HEXA: variants seen among roughly 807,000 people sequenced by gnomAD.
HEXA encodes the protein hexosaminidase subunit alpha, also known as beta-hexosaminidase subunit alpha.
A neutral mutation model predicts 73.3 loss-of-function variants in HEXA; 54 were observed. That is an observed-to-expected ratio of 0.74 (90% CI 0.59 to 0.92). The LOEUF is 0.92. HEXA is among the 40% of genes least tolerant of loss of function. The pLI, the probability that HEXA is intolerant of heterozygous loss-of-function variation, is 0.00. For synonymous variants in HEXA, 230 were observed against 246.9 expected (o/e 0.93, Z 0.64); for missense variants, 649 against 653.0 (o/e 0.99, Z 0.07).
chr15:72,365,110 G>A (rs1292140733), intron 1 of HEXA, among the ~76,000 whole-genome samples: 2 of 151,750 alleles, frequency 1.3e-5, no homozygotes, highest in African/African-American at 4.8e-5. Flanking sequence ...TTTTTTTTGA[G>A]ACGGAGTCTC....
intron 11 of HEXA, 29 bp from the exon 12 acceptor site, chr15:72,346,354 G>A (rs757058366): frequency 6.3e-7 from 1 of 1,587,322 alleles, no homozygotes; most frequent in Non-Finnish European, 8.7e-7. Context: ...CAACAGTCTG[G>A]TGATGGTGGG....
intron 1 of HEXA, among the ~76,000 whole-genome samples, 183 bp downstream of exon 1, chr15:72,375,537 T>A (rs780965234): frequency 2.0e-5 from 3 of 152,212 alleles, no homozygotes; most frequent in Non-Finnish European, 4.4e-5. Flanking sequence ...ATCTCCTGAT[T>A]GAACCGTAGT....
At chr15:72,362,900 AAC>A (rs1157641772) in intron 1 of HEXA, among the ~76,000 whole-genome samples, 2 of 152,200 alleles carry the variant, frequency 1.3e-5, no homozygotes, top group African/African-American at 2.4e-5. Flanking sequence ...ATGGAAAAAA[AAC>A]ACATTGGTTT....
At chr15:72,366,394 C>T (rs571577700) in intron 1 of HEXA, among the ~76,000 whole-genome samples, 8 of 151,930 alleles carry the variant, frequency 5.3e-5, no homozygotes, top group South Asian at 2.1e-4. Context: ...CTGCAATCTC[C>T]GCCTCCCAGG....
chr15:72,373,650 T>G (rs1369471557), intron 1 of HEXA, among the ~76,000 whole-genome samples: 1 of 152,174 alleles, frequency 6.6e-6, no homozygotes, highest in East Asian at 1.9e-4. Flanking sequence ...TCCATTTCTA[T>G]CTACTTGATT....
intron 1 of HEXA, among the ~76,000 whole-genome samples, chr15:72,374,008 C>CAAA (rs550464062): frequency 2.9e-5 from 2 of 68,204 alleles, no homozygotes; most frequent in African/African-American, 4.7e-5. Flanking sequence ...GACTCCGTCT[C>CAAA]AAAAAAAAAA....
chr15:72,370,447 C>T (rs572971544), intron 1 of HEXA: 8 of 392,880 alleles, frequency 2.0e-5, no homozygotes, highest in East Asian at 3.6e-5. Flanking sequence ...TCTCAGCACT[C>T]GGGGAGGCCG....
At chr15:72,347,979 C>A (rs1021157494) in intron 9 of HEXA, 69 bp downstream of exon 9, 35 of 1,134,588 alleles carry the variant, frequency 3.1e-5, no homozygotes, top group Non-Finnish European at 4.4e-5. Context: ...GGGCCTGACT[C>A]GGTATGGAAA....
chr15:72,350,304 T>C (rs184998038), intron 7 of HEXA: 39 of 600,272 alleles, frequency 6.5e-5, no homozygotes, highest in Middle Eastern at 4.7e-4. Context: ...AATGTGCCCT[T>C]ACATAGTCTA....
rs758829206 is a variant in HEXA, at chr15:72,345,548, G to C, written c.1424C>G (p.Pro475Arg). ...DNTNLVPRLWPRAGAVAERLW... is the reference protein window; with the variant it reads ...DNTNLVPRLWRRAGAVAERLW... ...CCTTTCGGCAACAGCCCCTGCTCTG[G>C]GCCTGGAGGAAAAGGGGCATGTGCC... Residue 475 changes from proline (P) to arginine (R), a missense_variant and splice_region_variant, in exon 13 of 14, where the codon CCC (proline) becomes CGC (arginine). Coordinates refer to ENST00000268097, the MANE Select transcript of HEXA (RefSeq NM_000520.6). 3 of 1,614,114 alleles carry C rather than the reference G, an allele frequency of 1.9e-6. No individual in the cohort carries two copies. Among genetic ancestry groups the C allele is most frequent in the East Asian group, 2.2e-5 (1 of 44,884 alleles).
chr15:72,350,493 C>T, intron 7 of HEXA, 25 bp downstream of exon 7: 1 of 1,613,264 alleles, frequency 6.2e-7, no homozygotes, highest in African/African-American at 1.3e-5. Flanking sequence ...AGCAGAGTCC[C>T]TCTGGTCCCA....
rs975293752 is a variant in HEXA, at chr15:72,355,374, G to T, written c.412+185C>A. On this transcript the variant is annotated intron_variant, in intron 3 of 13. Coordinates refer to ENST00000268097, the MANE Select transcript of HEXA (RefSeq NM_000520.6). The stretch of plus-strand genomic sequence containing the variant: ...AATCCCATCTCTACTAAAAATACAA[G>T]AATTAGCTGGGCATGGTGGCAGGCA... 18 of 638,020 alleles carry T rather than the reference G, an allele frequency of 2.8e-5. No homozygotes were observed. The African/African-American group carries it at 3.1e-4, about 11-fold the overall frequency. The allele number at this position is 638,020 out of a possible 1,614,324, so 39.5% of individuals were successfully genotyped here.
At position 72,342,275 on chromosome 15, in the gene HEXA, C is replaced by G. The variant is rs2088560977; in HGVS notation, c.*1802G>C. 1.3e-5 allele frequency: 2 copies of G among 152,152 alleles called. No homozygotes were observed. 9.4% of individuals were successfully genotyped at this position (152,152 alleles called of 1,614,324 possible). A position where few individuals can be genotyped will look rare whatever the true frequency, so the allele number is the denominator to read the frequency against. On this transcript the variant is annotated 3_prime_UTR_variant, in exon 14 of 14. Coordinates refer to ENST00000268097, the MANE Select transcript of HEXA (RefSeq NM_000520.6). ...AATGCCCACCCTGTCCTTACAGGAA[C>G]AGCACAAGGCTAGGCTTGTCTACCT... is the stretch of plus-strand genomic sequence containing the variant.
rs759092928 is a variant in HEXA, at chr15:72,375,786, C to A, written c.187G>T (p.Glu63Ter). ...AGGTCACGATAGCGCTGGAAGGCCT[C>A]GTCGAGGACTGAGCAGCCGGGCTGC... Reference protein sequence around the residue: ...AAQPGCSVLDEAFQRYRDLLF... With the variant: ...AAQPGCSVLD The change falls in exon 1 of 14, where the codon GAG (glutamate) becomes TAG (stop). Residue 63 changes from glutamate (E) to a stop codon, truncating the protein, a stop_gained. Transcript: ENST00000268097. LOFTEE classifies it high-confidence loss of function. 2 of 1,614,128 alleles carry A rather than the reference C, an allele frequency of 1.2e-6. No homozygotes were observed. Among genetic ancestry groups the A allele is most frequent in the Admixed American group, 1.7e-5 (1 of 60,012 alleles).
At chr15:72,355,475 G>A in intron 3 of HEXA, 84 bp downstream of exon 3, 1 of 935,938 alleles carries the variant, frequency 1.1e-6, no homozygotes, top group South Asian at 1.3e-5. Flanking sequence ...GCAGTGAGCA[G>A]GGACTGGGCC....
chr15:72,356,618 C>G lies in HEXA; in HGVS notation c.254-1G>C. On this transcript the variant is annotated splice_acceptor_variant, in intron 1 of 13. Transcript: ENST00000268097. LOFTEE classifies it high-confidence loss of function. Reference sequence around the variant, plus strand: ...TTCTTCTCCAGTGTATGCCGTTTCCCTAGGAAGACAGGGTAAGCTTGGTGC... The same window carrying G: ...TTCTTCTCCAGTGTATGCCGTTTCCGTAGGAAGACAGGGTAAGCTTGGTGC... The G allele has an allele frequency of 6.2e-7, 1 of 1,614,024 alleles. No homozygotes were observed. The highest frequency in any genetic ancestry group is 8.5e-7 in the Non-Finnish European group (1 of 1,179,978).
At chr15:72,344,189 C>T (rs750495717) in intron 13 of HEXA, 49 bp from the exon 14 acceptor site, 5 of 1,382,372 alleles carry the variant, frequency 3.6e-6, no homozygotes, top group Non-Finnish European at 5.1e-6. Flanking sequence ...CAGAAGGGGC[C>T]CCAGCAACAC....
chr15:72,361,814 A>T (rs1193365626), intron 1 of HEXA, among the ~76,000 whole-genome samples: 1 of 152,214 alleles, frequency 6.6e-6, no homozygotes, highest in Non-Finnish European at 1.5e-5. Context: ...TAATCTCTTA[A>T]CACATCGCCA....
At position 72,375,782 on chromosome 15, in the gene HEXA, G is replaced by A. The variant is rs1024302260; in HGVS notation, c.191C>T (p.Ala64Val). ...AAGCAGGTCACGATAGCGCTGGAAGGCCTCGTCGAGGACTGAGCAGCCGGG... is the reference window on the plus strand; with the variant it reads ...AAGCAGGTCACGATAGCGCTGGAAGACCTCGTCGAGGACTGAGCAGCCGGG... The part of the protein sequence containing the change: ...AQPGCSVLDE[A>V]FQRYRDLLFG... Residue 64 changes from alanine to valine, a missense_variant, in exon 1 of 14, where the codon GCC (alanine) becomes GTC (valine). Ala to Val is a moderately conservative substitution (Grantham distance 64). Coordinates refer to ENST00000268097, the MANE Select transcript of HEXA (RefSeq NM_000520.6). 6 of 1,614,240 alleles carry A rather than the reference G, an allele frequency of 3.7e-6. No individual in the cohort carries two copies. The highest frequency in any genetic ancestry group is 3.4e-6 in the Non-Finnish European group (4 of 1,180,028).
Sources: gnomAD v4.1 joint callset for allele counts (sites outside exome capture counted in the v4.1 genomes callset) on GRCh38, gnomAD v4.1.1 for gene constraint, MANE v1.5 for transcripts, NCBI Gene and HGNC (gene_info 2026-07-23, HGNC 2026-07-21) for gene names.